The following ANO3 variants were observed in gnomAD, a reference collection of about 807,000 sequenced individuals.
The protein encoded by ANO3 is anoctamin-3.
Under a neutral mutation model 144.8 loss-of-function variants are expected in ANO3, and 99 were observed. That is an observed-to-expected ratio of 0.68 (90% confidence interval 0.58 to 0.81). The LOEUF is 0.81. ANO3 is among the 30% of genes least tolerant of loss of function. ANO3 has a pLI of 0.00. For missense variants in ANO3, 905 were observed against 1,202.2 expected (o/e 0.75, Z 3.66); for synonymous variants, 414 against 392.6 (o/e 1.05, Z -0.64).
chr11:26,491,336 T>C (rs1860699356), intron 4 of ANO3, among the ~76,000 whole-genome samples: 1 of 152,218 alleles, frequency 6.6e-6, no homozygotes, highest in Non-Finnish European at 1.5e-5. Context: ...TACTAGGCAC[T>C]AGACCAAGGA....
chr11:26,251,423 A>C (rs1173029506), intron 1 of ANO3, among the ~76,000 whole-genome samples: 1 of 152,204 alleles, frequency 6.6e-6, no homozygotes, highest in Non-Finnish European at 1.5e-5. Context: ...TTTATAATCC[A>C]AAAGGAAGAA....
At chr11:26,316,372 G>T (rs988975680) in intron 1 of ANO3, among the ~76,000 whole-genome samples, 4 of 152,166 alleles carry the variant, frequency 2.6e-5, no homozygotes, top group African/African-American at 9.7e-5. Flanking sequence ...CCCATGGGAT[G>T]AAGTAATTCT....
rs58419788 is a variant in ANO3, at chr11:26,283,321, AATATATATATAT to A, written c.155-26290_155-26279del. Among the ~76,000 whole-genome samples the A allele has an allele frequency of 5.2e-3, 254 of 49,106 alleles. 1 individual carries two copies. The highest frequency in any genetic ancestry group is 0.023 in the South Asian group (23 of 998). 32.2% of individuals were successfully genotyped at this position (49,106 alleles called of 152,430 possible). A position where few individuals can be genotyped will look rare whatever the true frequency, so the allele number is the denominator to read the frequency against. ...TCTTACCAAAATAAACAAATAAATAAATATATATATATATATATATATATATATATATATATA... is the reference window on the plus strand; with the variant it reads ...TCTTACCAAAATAAACAAATAAATAAATATATATATATATATATATATATA... On this transcript the variant is annotated intron_variant, in intron 1 of 27. Coordinates refer to the ANO3 transcript ENST00000672621.
At position 26,400,305 on chromosome 11, in the gene ANO3, A is replaced by G. The variant is rs1857116128; in HGVS notation, c.47-41613A>G. On this transcript the variant is annotated intron_variant, in intron 1 of 26. Coordinates refer to ENST00000256737, the MANE Select transcript of ANO3 (RefSeq NM_031418.4). ...AATCCTAGGAAGCACTCAATTGGTCATGTAAGCTAGCACTGACATAAGGCA... is the reference window on the plus strand; with the variant it reads ...AATCCTAGGAAGCACTCAATTGGTCGTGTAAGCTAGCACTGACATAAGGCA... Among the ~76,000 whole-genome samples the G allele has an allele frequency of 2.0e-5, 3 of 152,040 alleles. No individual in the cohort carries two copies. The South Asian group carries it at 6.2e-4, about 32-fold the overall frequency.
chr11:26,386,674 T>C (rs745355113), intron 1 of ANO3, among the ~76,000 whole-genome samples: 1 of 152,176 alleles, frequency 6.6e-6, no homozygotes, highest in Non-Finnish European at 1.5e-5. Context: ...CATATTAACT[T>C]AGGTTAAGCT....
intron 1 of ANO3, among the ~76,000 whole-genome samples, chr11:26,323,171 G>A (rs1295016463): frequency 3.3e-5 from 5 of 151,928 alleles, no homozygotes; most frequent in African/African-American, 1.2e-4. Flanking sequence ...TATATCCCCT[G>A]CCCTAGACCT....
chr11:26,311,760 A>G (rs1453262079), intron 1 of ANO3, among the ~76,000 whole-genome samples: 1 of 152,140 alleles, frequency 6.6e-6, no homozygotes, highest in African/African-American at 2.4e-5. Context: ...ATTTAAGCCA[A>G]ATTTTTAACT....
At chr11:26,218,729 A>G (rs529987129) in intron 1 of ANO3, among the ~76,000 whole-genome samples, 122 of 152,284 alleles carry the variant, frequency 8.0e-4, no homozygotes, top group Non-Finnish European at 1.5e-3. Flanking sequence ...CAGGCTATTA[A>G]GGTTTTTGGT....
intron 11 of ANO3, among the ~76,000 whole-genome samples, 188 bp downstream of exon 11, chr11:26,542,256 T>C (rs979913655): frequency 1.3e-5 from 2 of 152,004 alleles, no homozygotes; most frequent in African/African-American, 2.4e-5. Context: ...AGCTGAGAAA[T>C]CAAACAGGCT....
chr11:26,613,137 A>G (rs1165915252), intron 17 of ANO3, among the ~76,000 whole-genome samples: 1 of 152,040 alleles, frequency 6.6e-6, no homozygotes, highest in Non-Finnish European at 1.5e-5. Context: ...TAATGGGAAC[A>G]TTTGTTCACT....
chr11:26,191,202 C>T (rs899291355), intron 1 of ANO3, among the ~76,000 whole-genome samples: 2 of 151,868 alleles, frequency 1.3e-5, no homozygotes, highest in East Asian at 3.9e-4. Context: ...TGCTTGGACC[C>T]GGGAGGTGGA....
chr11:26,400,238 A>T (rs1857114301), intron 1 of ANO3, among the ~76,000 whole-genome samples: 1 of 152,016 alleles, frequency 6.6e-6, no homozygotes, highest in Non-Finnish European at 1.5e-5. Flanking sequence ...ATGGGTTATG[A>T]GCTTAAAGTG....
At chr11:26,192,149 T>C (rs1590185105) in intron 1 of ANO3, among the ~76,000 whole-genome samples, 1 of 152,326 alleles carries the variant, frequency 6.6e-6, no homozygotes, top group East Asian at 1.9e-4. Flanking sequence ...CCGCCTGATA[T>C]CATCATTCAG....
intron 4 of ANO3, among the ~76,000 whole-genome samples, chr11:26,476,930 T>TGAGA (rs1491571549): frequency 1.4e-5 from 2 of 144,902 alleles, no homozygotes; most frequent in Non-Finnish European, 3.1e-5. Context: ...TGTGTGTGTG[T>TGAGA]GTGAGAGAGA....
chr11:26,607,089 T>C (rs1851957145), intron 17 of ANO3, among the ~76,000 whole-genome samples: 1 of 152,226 alleles, frequency 6.6e-6, no homozygotes, highest in Non-Finnish European at 1.5e-5. Flanking sequence ...TTGAAAATTC[T>C]TTAAGAATGT....
intron 11 of ANO3, among the ~76,000 whole-genome samples, chr11:26,542,406 T>A (rs1849670010): frequency 6.6e-6 from 1 of 151,686 alleles, no homozygotes; most frequent in Non-Finnish European, 1.5e-5. Flanking sequence ...GAGGTGAAAG[T>A]GAGGGGGAGG....
Position 26,357,968 on chromosome 11 carries a change from C to T in ANO3, c.46+25647C>T, listed in dbSNP as rs192551057. Among the ~76,000 whole-genome samples, 748 of 152,152 alleles carry T rather than the reference C, an allele frequency of 4.9e-3. 11 individuals are homozygous for T. In the South Asian group the frequency reaches 0.055, roughly 11 times the overall value. ...CTCCTGAATTGCCTTTGCAATTTGT[C>T]AAAAATCAATTGTCCCTGTGTATGT... On this transcript the variant is annotated intron_variant, in intron 1 of 26. Transcript: ENST00000256737.
chr11:26,464,483 T>C (rs1859527510), intron 4 of ANO3, among the ~76,000 whole-genome samples: 1 of 151,824 alleles, frequency 6.6e-6, no homozygotes, highest in East Asian at 1.9e-4. Flanking sequence ...AATTAGAAAA[T>C]GAACTACGAT....
In ANO3 at chr11:26,595,487, T is replaced by TTA. The variant is rs1435173152; in HGVS notation, c.1448-2878_1448-2877insTA. 5.3e-5 allele frequency among the ~76,000 whole-genome samples: 7 copies of TTA among 132,646 alleles called. No homozygotes were observed. In the East Asian group the frequency reaches 1.6e-3, roughly 30 times the overall value. The allele number at this position is 132,646 out of a possible 152,430, so 87.0% of individuals were successfully genotyped here. ...TTTTTTTTTTTTTTTTTTTTTTTTT[T>TTA]ATTCTGTAAGTACTTTAAGGCTTGG... On this transcript the variant is annotated intron_variant, in intron 14 of 26. Coordinates refer to ENST00000256737, the MANE Select transcript of ANO3 (RefSeq NM_031418.4).
Sources: allele counts gnomAD v4.1 joint callset (sites outside exome capture counted in the v4.1 genomes callset), GRCh38; gene constraint gnomAD v4.1.1; transcripts MANE v1.5; gene names NCBI Gene and HGNC (gene_info 2026-07-23, HGNC 2026-07-21).